LDLRAP1: variants seen among roughly 807,000 people sequenced by gnomAD.
LDLRAP1 encodes the protein low density lipoprotein receptor adapter protein 1.
In LDLRAP1, 30 loss-of-function variants were observed where a neutral mutation model predicts 37.8. That is an observed-to-expected ratio of 0.79 (90% confidence interval 0.59 to 1.08). The LOEUF is 1.08. LDLRAP1 is among the 50% of genes least tolerant of loss of function. LDLRAP1 has a pLI of 0.00. For missense variants in LDLRAP1, 375 were observed against 401.6 expected (o/e 0.93, Z 0.57); for synonymous variants, 156 against 169.8 (o/e 0.92, Z 0.63).
intron 1 of LDLRAP1, among the ~76,000 whole-genome samples, chr1:25,552,907 T>C (rs2044106720): frequency 6.6e-6 from 1 of 152,158 alleles, no homozygotes. Context: ...TTCTGCACCA[T>C]TGTCACAGCC....
chr1:25,582,446 A>T, the LDLRAP1 span, among the ~76,000 whole-genome samples: 2 of 151,828 alleles, frequency 1.3e-5, no homozygotes, highest in Non-Finnish European at 2.9e-5. Context: ...TTAGCTGGGC[A>T]TGGTGGCATG....
chr1:25,565,634 C>T (rs768368422), intron 8 of LDLRAP1, among the ~76,000 whole-genome samples: 10 of 151,752 alleles, frequency 6.6e-5, no homozygotes, highest in African/African-American at 2.2e-4. Flanking sequence ...GCTCGTGAAG[C>T]GTTCCATAGC....
At chr1:25,587,140 AT>A in the LDLRAP1 span, among the ~76,000 whole-genome samples, 9 of 151,818 alleles carry the variant, frequency 5.9e-5, no homozygotes, top group Non-Finnish European at 1.2e-4. Context: ...ATTCACTTCT[AT>A]TTTGTTTATT....
chr1:25,588,455 C>T, the LDLRAP1 span, among the ~76,000 whole-genome samples: 11 of 152,144 alleles, frequency 7.2e-5, no homozygotes, highest in East Asian at 1.2e-3. Flanking sequence ...GACATGCGGG[C>T]GGCAATACTG....
the LDLRAP1 span, among the ~76,000 whole-genome samples, chr1:25,581,095 TG>T: frequency 1.8e-4 from 28 of 152,304 alleles, no homozygotes; most frequent in African/African-American, 6.5e-4. Flanking sequence ...GGGCCGGTCC[TG>T]GACCAAGAGG....
chr1:25,557,213 C>A lies in LDLRAP1; in HGVS notation c.405C>A (p.Ser135Arg), dbSNP rs755422853. The A allele has an allele frequency of 6.2e-7, 1 of 1,614,196 alleles. No individual in the cohort carries two copies. The change falls in exon 4 of 9, where the codon AGC (serine) becomes AGA (arginine). Residue 135 changes from serine to arginine, a missense_variant. Coordinates refer to ENST00000374338, the MANE Select transcript of LDLRAP1 (RefSeq NM_015627.3). The part of the protein sequence containing the change: ...HDKVFAYIAQ[S>R]QHNQSLECHA... ...AGGTGTTTGCATACATCGCCCAGAG[C>A]CAGCACAACCAGAGCCTCGAGTGCC...
chr1:25,567,665 G>A lies in LDLRAP1; in HGVS notation c.*673G>A, dbSNP rs1470751363. 6.4e-6 allele frequency: 1 copy of A among 155,502 alleles called. No homozygotes were observed. The highest frequency in any genetic ancestry group is 2.4e-5 in the African/African-American group (1 of 41,466). 9.6% of individuals were successfully genotyped at this position (155,502 alleles called of 1,614,324 possible). ...CCTCCATGGTGCTGCATTGAGTCCA[G>A]CTTTCCTTCTGCCCTTCCTCCAGGA... is the stretch of plus-strand genomic sequence containing the variant. On this transcript the variant is annotated 3_prime_UTR_variant, in exon 9 of 9. Coordinates refer to ENST00000374338, the MANE Select transcript of LDLRAP1 (RefSeq NM_015627.3).
downstream of LDLRAP1, among the ~76,000 whole-genome samples, chr1:25,570,188 C>A (rs894813047): frequency 3.3e-5 from 5 of 152,206 alleles, no homozygotes; most frequent in African/African-American, 1.2e-4. Context: ...AAGAAATCCT[C>A]CCCTTTCTTC....
chr1:25,560,857 C>T (rs1393605034), intron 4 of LDLRAP1, among the ~76,000 whole-genome samples: 2 of 152,262 alleles, frequency 1.3e-5, no homozygotes, highest in Non-Finnish European at 2.9e-5. Flanking sequence ...TGAGCAGTCC[C>T]TCCACCTAAT....
intron 7 of LDLRAP1, chr1:25,564,749 G>A (rs1001119358): frequency 5.4e-6 from 1 of 186,378 alleles, no homozygotes; most frequent in African/African-American, 2.3e-5. Flanking sequence ...TTGGCTTTTG[G>A]AAGTAAATGA....
At chr1:25,558,006 T>G (rs34136392) in intron 4 of LDLRAP1, among the ~76,000 whole-genome samples, 86,175 of 151,340 alleles carry the variant, frequency 0.57, 24,887 homozygotes, top group African/African-American at 0.68. Flanking sequence ...ACTGGGGAGT[T>G]CAGAGCTCCT....
At chr1:25,580,073 A>G in the LDLRAP1 span, among the ~76,000 whole-genome samples, 1 of 152,236 alleles carries the variant, frequency 6.6e-6, no homozygotes, top group African/African-American at 2.4e-5. Context: ...GAGAGAGAAC[A>G]GCTGTCGAGG....
downstream of LDLRAP1, among the ~76,000 whole-genome samples, chr1:25,572,055 G>A (rs530969427): frequency 6.6e-6 from 1 of 152,344 alleles, no homozygotes; most frequent in South Asian, 2.1e-4. Context: ...GGGGAAGCCA[G>A]GTCAGGCTCT....
intron 4 of LDLRAP1, among the ~76,000 whole-genome samples, chr1:25,559,930 A>AG (rs1213998320): frequency 6.6e-6 from 1 of 152,180 alleles, no homozygotes; most frequent in Non-Finnish European, 1.5e-5. Context: ...CCTGGAACCC[A>AG]GGGGGGCTTA....
At chr1:25,575,067 C>G in the LDLRAP1 span, among the ~76,000 whole-genome samples, 1 of 152,224 alleles carries the variant, frequency 6.6e-6, no homozygotes, top group Admixed American at 6.5e-5. Flanking sequence ...GGACGACTCA[C>G]CGTCCCGGTC....
In LDLRAP1 at chr1:25,567,298, T is replaced by C. The variant is rs1572061351; in HGVS notation, c.*306T>C. The C allele has an allele frequency of 2.3e-6, 1 of 440,976 alleles. No homozygotes were observed. The highest frequency in any genetic ancestry group is 2.1e-5 in the South Asian group (1 of 48,402). The allele number at this position is 440,976 out of a possible 1,614,324, so 27.3% of individuals were successfully genotyped here. A position where few individuals can be genotyped will look rare whatever the true frequency, so the allele number is the denominator to read the frequency against. On this transcript the variant is annotated 3_prime_UTR_variant, in exon 9 of 9. Transcript: ENST00000374338. ...GTGCAGTGCTGTAATCGGCTCCCGC[T>C]TGCTCTCCTGGAGCAAGCTCTGCCC...
the LDLRAP1 span, among the ~76,000 whole-genome samples, chr1:25,587,748 G>A: frequency 2.0e-5 from 3 of 152,174 alleles, no homozygotes; most frequent in Admixed American, 6.5e-5. Context: ...TATCCACGGT[G>A]GGAGTGGGCG....
At chr1:25,563,432 A>G (rs1298197611) in intron 6 of LDLRAP1, among the ~76,000 whole-genome samples, 1 of 152,218 alleles carries the variant, frequency 6.6e-6, no homozygotes, top group African/African-American at 2.4e-5. Flanking sequence ...TGGTTGCTTA[A>G]GAAAACTTAA....
chr1:25,550,460 A>G (rs1045647914), intron 1 of LDLRAP1, among the ~76,000 whole-genome samples: 1 of 152,178 alleles, frequency 6.6e-6, no homozygotes, highest in Non-Finnish European at 1.5e-5. Flanking sequence ...GGCATTTAGG[A>G]TAGAGGGAAC....
Sources: gnomAD v4.1 joint callset for allele counts (sites outside exome capture counted in the v4.1 genomes callset) on GRCh38, gnomAD v4.1.1 for gene constraint, MANE v1.5 for transcripts, NCBI Gene and HGNC (gene_info 2026-07-23, HGNC 2026-07-21) for gene names.